The following GALNT13 variants were observed in gnomAD, a reference collection of about 807,000 sequenced individuals.
GALNT13 encodes the protein UDP-GalNAc:polypeptide N-acetylgalactosaminyltransferase 13.
Under a neutral mutation model 64.2 loss-of-function variants are expected in GALNT13, and 28 were observed. That is an observed-to-expected ratio of 0.44 (90% CI 0.32 to 0.60). GALNT13 has a LOEUF of 0.60. GALNT13 is among the 20% of genes least tolerant of loss of function. The probability of loss-of-function intolerance (pLI) is 0.05; values close to 1 mark genes in which losing one functional copy is unlikely to be tolerated. For missense variants in GALNT13, 577 were observed against 669.8 expected, an observed-to-expected ratio of 0.86 and a Z score of 1.53; for synonymous variants, 214 against 224.6, an observed-to-expected ratio of 0.95 and a Z score of 0.42.
At chr2:153,091,810 A>G in the GALNT13 span, among the ~76,000 whole-genome samples, 13 of 152,122 alleles carry the variant, frequency 8.5e-5, no homozygotes, top group South Asian at 2.5e-3. Context: ...CACTTTGTTG[A>G]TTGTATCTTT....
chr2:153,852,964 A>T, the GALNT13 span, among the ~76,000 whole-genome samples: 4 of 152,152 alleles, frequency 2.6e-5, no homozygotes, highest in African/African-American at 4.8e-5. Context: ...TCTGCAAGCT[A>T]AAGAGCAAGG....
At chr2:153,123,832 G>A in the GALNT13 span, among the ~76,000 whole-genome samples, 3 of 152,180 alleles carry the variant, frequency 2.0e-5, no homozygotes, top group African/African-American at 7.2e-5. Flanking sequence ...GTAGTAAGCA[G>A]TGTCTAAAAT....
At chr2:153,631,181 G>T in the GALNT13 span, among the ~76,000 whole-genome samples, 2 of 152,046 alleles carry the variant, frequency 1.3e-5, no homozygotes, top group African/African-American at 4.8e-5. Context: ...TGGCATATAT[G>T]TGCCACATTT....
intron 10 of GALNT13, among the ~76,000 whole-genome samples, chr2:154,403,990 A>G (rs899059810): frequency 3.9e-5 from 6 of 152,172 alleles, no homozygotes; most frequent in Non-Finnish European, 8.8e-5. Context: ...AATAGTTTCT[A>G]ATTTATATTA....
At chr2:154,023,772 G>T (rs1419962464) in intron 3 of GALNT13, among the ~76,000 whole-genome samples, 1 of 152,296 alleles carries the variant, frequency 6.6e-6, no homozygotes. Flanking sequence ...GTTAGTTGAT[G>T]CAGTTTCTTC....
At chr2:153,412,808 A>G in the GALNT13 span, among the ~76,000 whole-genome samples, 13 of 152,260 alleles carry the variant, frequency 8.5e-5, no homozygotes, top group African/African-American at 2.6e-4. Context: ...TCTGCACCCA[A>G]TTAACTGTGG....
intron 9 of GALNT13, among the ~76,000 whole-genome samples, chr2:154,388,276 T>A (rs945137736): frequency 6.6e-6 from 1 of 152,182 alleles, no homozygotes; most frequent in Non-Finnish European, 1.5e-5. Flanking sequence ...CTCTTGTTTT[T>A]GAGTTGAGTT....
At chr2:153,915,038 G>T (rs1689236946) in intron 2 of GALNT13, among the ~76,000 whole-genome samples, 2 of 152,096 alleles carry the variant, frequency 1.3e-5, no homozygotes, top group South Asian at 4.1e-4. Flanking sequence ...GCTCCTCCTG[G>T]AGTCTGTGGG....
At chr2:153,847,330 A>G in the GALNT13 span, among the ~76,000 whole-genome samples, 1 of 152,138 alleles carries the variant, frequency 6.6e-6, no homozygotes, top group Non-Finnish European at 1.5e-5. Context: ...TCAGTAACTT[A>G]TATAAGAGAC....
At chr2:154,418,574 CA>C (rs1700124926) in intron 11 of GALNT13, among the ~76,000 whole-genome samples, 1 of 152,160 alleles carries the variant, frequency 6.6e-6, no homozygotes, top group Non-Finnish European at 1.5e-5. Context: ...GATTTTCCCC[CA>C]GACCCTCTGG....
At chr2:153,709,889 GA>G in the GALNT13 span, among the ~76,000 whole-genome samples, 3 of 151,956 alleles carry the variant, frequency 2.0e-5, no homozygotes, top group African/African-American at 7.2e-5. Context: ...GGCACGGAAA[GA>G]CAAATACCAC....
intron 4 of GALNT13, among the ~76,000 whole-genome samples, chr2:154,184,076 A>T (rs1445378615): frequency 1.3e-5 from 2 of 151,754 alleles, no homozygotes; most frequent in Non-Finnish European, 2.9e-5. Context: ...ATTTGAATTT[A>T]TAAATTTATA....
At chr2:153,918,104 C>T (rs78386226) in intron 2 of GALNT13, among the ~76,000 whole-genome samples, 2 of 152,168 alleles carry the variant, frequency 1.3e-5, no homozygotes, top group East Asian at 3.9e-4. Context: ...AACATGTTAA[C>T]TAGGAGTTCA....
chr2:153,762,336 G>A, the GALNT13 span: 1 of 152,128 alleles, frequency 6.6e-6, no homozygotes, highest in Non-Finnish European at 1.5e-5. Context: ...GCACAACAAT[G>A]TTACTCCTCT....
intron 4 of GALNT13, among the ~76,000 whole-genome samples, chr2:154,224,197 G>A (rs1688467613): frequency 6.6e-6 from 1 of 152,038 alleles, no homozygotes; most frequent in Admixed American, 6.6e-5. Flanking sequence ...AAAATTTCTT[G>A]TGAAGAAATG....
chr2:153,436,506 G>A, the GALNT13 span, among the ~76,000 whole-genome samples: 1 of 152,112 alleles, frequency 6.6e-6, no homozygotes, highest in Admixed American at 6.5e-5. Context: ...CAACTTCAGA[G>A]CTTGTTATTT....
rs577838297 is a variant in GALNT13, at chr2:153,892,412, A to T, written c.-176-8524A>T. On this transcript the variant is annotated intron_variant, in intron 1 of 12. Coordinates refer to ENST00000392825, the MANE Select transcript of GALNT13 (RefSeq NM_052917.4). The stretch of plus-strand genomic sequence containing the variant: ...TGATAATCTCTACAAGTTTATAAAA[A>T]TCATGGGTCCAAGATTATGCTAAAA... 2.6e-5 allele frequency among the ~76,000 whole-genome samples: 4 copies of T among 152,178 alleles called. No individual in the cohort carries two copies. The East Asian group carries it at 5.8e-4, about 22-fold the overall frequency.
chr2:153,575,789 T>C, the GALNT13 span, among the ~76,000 whole-genome samples: 4 of 152,192 alleles, frequency 2.6e-5, no homozygotes, highest in African/African-American at 9.6e-5. Context: ...AGAAATGCCA[T>C]CTGAGTCAAG....
the GALNT13 span, among the ~76,000 whole-genome samples, chr2:153,696,856 T>C: frequency 1.3e-5 from 2 of 152,084 alleles, no homozygotes; most frequent in Admixed American, 1.3e-4. Flanking sequence ...TTGCCTTCTC[T>C]CTTTTGATGG....
Sources: gnomAD v4.1 joint callset for allele counts (sites outside exome capture counted in the v4.1 genomes callset) on GRCh38, gnomAD v4.1.1 for gene constraint, MANE v1.5 for transcripts, NCBI Gene and HGNC (gene_info 2026-07-23, HGNC 2026-07-21) for gene names.